Variants in DNM1 observed in about 807,000 individuals in gnomAD.
The protein encoded by DNM1 is dynamin 1.
DNM1 carries 29 observed loss-of-function variants against 104.6 expected under a neutral mutation model. The observed-to-expected ratio is 0.28, with a 90% confidence interval of 0.21 to 0.38. The LOEUF (loss-of-function observed/expected upper bound fraction) is 0.38. Among genes scored for constraint, DNM1 ranks in the 10% least tolerant of loss-of-function variants. The pLI is 1.00. For synonymous variants in DNM1, 445 were observed against 475.8 expected (o/e 0.94, Z 0.84); for missense variants, 640 against 1,189.4 (o/e 0.54, Z 6.79).
At chr9:128,213,486 T>A (rs1588334017) in intron 1 of DNM1, among the ~76,000 whole-genome samples, 2 of 94,736 alleles carry the variant, frequency 2.1e-5, no homozygotes. Flanking sequence ...CTTGGATTGA[T>A]GGAAGGGAGG....
chr9:128,222,789 A>T lies in DNM1; in HGVS notation c.1129-4A>T. The stretch of plus-strand genomic sequence containing the variant: ...ACCAGGCTTTTCTCTGCTTTTCTAC[A>T]CAGATGGAGTTTGATGAGAAGGAAC... On this transcript the variant is annotated splice_region_variant and splice_polypyrimidine_tract_variant and intron_variant, in intron 8 of 21. Coordinates refer to ENST00000372923, the MANE Select transcript of DNM1 (RefSeq NM_004408.4). This position sits in a 1 kb window ranked among gnomAD's most constrained non-coding sequence, Gnocchi z 7.8. 6.2e-7 allele frequency: 1 copy of T among 1,614,032 alleles called. No homozygotes were observed. Among genetic ancestry groups the T allele is most frequent in the Non-Finnish European group, 8.5e-7 (1 of 1,179,976 alleles).
In DNM1 at chr9:128,247,241, G is replaced by A; in HGVS notation, c.1782-134G>A. 1.8e-6 allele frequency: 1 copy of A among 560,882 alleles called. No homozygotes were observed. Among genetic ancestry groups the A allele is most frequent in the Admixed American group, 2.8e-5 (1 of 35,888 alleles). The allele number at this position is 560,882 out of a possible 1,614,324, so 34.7% of individuals were successfully genotyped here. A position where few individuals can be genotyped will look rare whatever the true frequency, so the allele number is the denominator to read the frequency against. On this transcript the variant is annotated intron_variant, in intron 16 of 21. Transcript: ENST00000372923. This position sits in a 1 kb window ranked among gnomAD's most constrained non-coding sequence, Gnocchi z 5.1. Reference sequence around the variant, plus strand: ...GAGGAAACTGAGGCTGAGAGGAAGGGACTTGCACAGGGTCACACAGCTGGG... The same window carrying A: ...GAGGAAACTGAGGCTGAGAGGAAGGAACTTGCACAGGGTCACACAGCTGGG...
In DNM1 at chr9:128,254,475, C is replaced by G. The variant is rs1829726350; in HGVS notation, c.2535-179C>G. 2.0e-6 allele frequency: 3 copies of G among 1,504,220 alleles called. No individual in the cohort carries two copies. The highest frequency in any genetic ancestry group is 2.8e-5 in the African/African-American group (2 of 70,990). 93.2% of individuals were successfully genotyped at this position (1,504,220 alleles called of 1,614,324 possible). On this transcript the variant is annotated intron_variant, in intron 21 of 21. Transcript: ENST00000372923. This position sits in a 1 kb window ranked among gnomAD's most constrained non-coding sequence, Gnocchi z 6.1. ...CGGCTCCTCCCTCCATCTTCCTCCC[C>G]TTTCCCTTCCAGCCCCTTTTCCAGG...
intron 9 of DNM1, chr9:128,223,147 C>T (rs1264483045): frequency 2.3e-6 from 1 of 439,176 alleles, no homozygotes; most frequent in African/African-American, 2.0e-5. Context: ...GGTGAGATAG[C>T]TCCCCCAGTG....
intron 21 of DNM1, chr9:128,251,208 C>G: frequency 3.1e-6 from 2 of 651,734 alleles, no homozygotes; most frequent in South Asian, 1.5e-5. Flanking sequence ...CCAGCACTTG[C>G]ATGGCGCTTC....
At position 128,222,085 on chromosome 9, in the gene DNM1, C is replaced by G. The variant is rs879179710; in HGVS notation, c.850-112C>G. 4 of 1,336,552 alleles carry G rather than the reference C, an allele frequency of 3.0e-6. No homozygotes were observed. Among genetic ancestry groups the G allele is most frequent in the Admixed American group, 2.5e-5 (1 of 39,830 alleles). 82.8% of individuals were successfully genotyped at this position (1,336,552 alleles called of 1,614,324 possible). A position where few individuals can be genotyped will look rare whatever the true frequency, so the allele number is the denominator to read the frequency against. The stretch of plus-strand genomic sequence containing the variant: ...AGTGGCCCGGGCAGCAGTGGCAGGG[C>G]TGCCCTCCATAGCTCTCCACCTCAC... On this transcript the variant is annotated intron_variant, in intron 6 of 21. Transcript: ENST00000372923. The surrounding 1 kb of genome is among the most constrained non-coding windows in gnomAD (Gnocchi z 7.8).
In DNM1 at chr9:128,224,391, TAA is replaced by T; in HGVS notation, c.1335+3_1335+4del. ...ACCGTTAGACAGTGCACCAAGAAGG[TAA>T]CCCGGAGGCCCGGGCCAGCCCCCAC... On this transcript the variant is annotated splice_donor_region_variant and intron_variant, in intron 10 of 21. Coordinates refer to ENST00000372923, the MANE Select transcript of DNM1 (RefSeq NM_004408.4). The surrounding 1 kb of genome is among the most constrained non-coding windows in gnomAD (Gnocchi z 4.3). 1 of 1,606,422 alleles carries T rather than the reference TAA, an allele frequency of 6.2e-7. No homozygotes were observed. Among genetic ancestry groups the T allele is most frequent in the South Asian group, 1.1e-5 (1 of 90,294 alleles).
rs187315526 is a variant in DNM1, at chr9:128,254,701, C to A, written c.2582C>A (p.Pro861His). 4.1e-5 allele frequency: 65 copies of A among 1,596,328 alleles called. No individual in the cohort carries two copies. The East Asian group carries it at 9.8e-4, about 24-fold the overall frequency. Residue 861 changes from proline to histidine, a missense_variant, in exon 22 of 22, where the codon CCC becomes CAC. Coordinates refer to ENST00000372923, the MANE Select transcript of DNM1 (RefSeq NM_004408.4). This position sits in a 1 kb window ranked among gnomAD's most constrained non-coding sequence, Gnocchi z 6.1. ...SPSRPESPRPPFDL is the reference protein window; with the variant it reads ...SPSRPESPRPHFDL The stretch of plus-strand genomic sequence containing the variant: ...TCCCGTCCTGAGAGCCCCAGGCCCC[C>A]CTTCGACCTCTAAACAGATCCCTCC...
At chr9:128,217,180 G>A (rs1834659768) in intron 1 of DNM1, among the ~76,000 whole-genome samples, 1 of 152,208 alleles carries the variant, frequency 6.6e-6, no homozygotes, top group South Asian at 2.1e-4. Context: ...GTCCTTCAAA[G>A]GCGGCTCGGT....
chr9:128,238,653 CTT>C (rs60034616), intron 11 of DNM1, among the ~76,000 whole-genome samples: 13 of 140,832 alleles, frequency 9.2e-5, no homozygotes, highest in Non-Finnish European at 1.1e-4. Context: ...TTGTGATTTT[CTT>C]TTTTTTTTTT....
intron 9 of DNM1, chr9:128,223,103 G>A: frequency 3.8e-6 from 2 of 525,294 alleles, no homozygotes; most frequent in Non-Finnish European, 6.8e-6. Flanking sequence ...CAGGTGGCCG[G>A]GGAAACACCC....
In DNM1 at chr9:128,232,092, C is replaced by T. The variant is rs115185829; in HGVS notation, c.1336-1929C>T. 1.2e-3 allele frequency: 543 copies of T among 454,220 alleles called. 2 individuals are homozygous for T. Among genetic ancestry groups the T allele is most frequent in the African/African-American group, 0.01 (508 of 50,084 alleles). The allele number at this position is 454,220 out of a possible 1,614,324, so 28.1% of individuals were successfully genotyped here. ...GGAGGCTGCCCTGCCATGGGTGACACGTGGAAAACTTGAGACATGTGACAT... is the reference window on the plus strand; with the variant it reads ...GGAGGCTGCCCTGCCATGGGTGACATGTGGAAAACTTGAGACATGTGACAT... On this transcript the variant is annotated intron_variant, in intron 10 of 21. Coordinates refer to ENST00000372923, the MANE Select transcript of DNM1 (RefSeq NM_004408.4).
In DNM1 at chr9:128,222,204, C is replaced by T. The variant is rs1275671340; in HGVS notation, c.857C>T (p.Thr286Met). The T allele has an allele frequency of 3.7e-6, 6 of 1,612,736 alleles. No homozygotes were observed. Among genetic ancestry groups the T allele is most frequent in the Admixed American group, 1.7e-5 (1 of 59,906 alleles). The change falls in exon 7 of 22, where the codon ACG becomes ATG. Residue 286 changes from threonine (T) to methionine (M), a missense_variant. Around this residue, in one of 7 missense-constraint regions of DNM1, gnomAD observed 81 missense variants for 99.8 expected, o/e 0.81. Coordinates refer to ENST00000372923, the MANE Select transcript of DNM1 (RefSeq NM_004408.4). The surrounding 1 kb of genome is among the most constrained non-coding windows in gnomAD (Gnocchi z 7.8). Reference protein sequence around the residue: ...YLQKVLNQQLTNHIRDTLPGL... With the variant: ...YLQKVLNQQLMNHIRDTLPGL... ...CCTCACCCTTACCCCCAGCAACTGA[C>T]GAACCACATCCGGGACACACTGCCG...
chr9:128,251,140 G>A (rs969611378), intron 21 of DNM1, 200 bp downstream of exon 21: 11 of 675,980 alleles, frequency 1.6e-5, no homozygotes, highest in Non-Finnish European at 3.0e-5. Flanking sequence ...GCTGAGTCCC[G>A]GAGGTGGTCG....
rs980315379 is a variant in DNM1 at position 128,224,165 on chromosome 9, G to A, written c.1197-86G>A. 4.2e-5 allele frequency: 63 copies of A among 1,510,950 alleles called. No homozygotes were observed. The African/African-American group carries it at 7.5e-4, about 18-fold the overall frequency. The allele number at this position is 1,510,950 out of a possible 1,614,324, so 93.6% of individuals were successfully genotyped here. Reference sequence around the variant, plus strand: ...TGGAAGGGCCCCTCAGGCAGAGTTCGTGGGCTTGGGGAGGAGCCTCGGCCT... The same window carrying A: ...TGGAAGGGCCCCTCAGGCAGAGTTCATGGGCTTGGGGAGGAGCCTCGGCCT... On this transcript the variant is annotated intron_variant, in intron 9 of 21. Coordinates refer to ENST00000372923, the MANE Select transcript of DNM1 (RefSeq NM_004408.4). The surrounding 1 kb of genome is among the most constrained non-coding windows in gnomAD (Gnocchi z 4.3).
At chr9:128,232,093 G>A (rs1371436011) in intron 10 of DNM1, 5 of 454,144 alleles carry the variant, frequency 1.1e-5, no homozygotes, top group Admixed American at 4.7e-5. Flanking sequence ...TGGGTGACAC[G>A]TGGAAAACTT....
chr9:128,254,568 G>A lies in DNM1; in HGVS notation c.2535-86G>A, dbSNP rs747491413. ...TCCCACCACTGCTGCGGCGCGGCCG[G>A]CCCCGGCCGTGTGCTGCGCTTGCCT... On this transcript the variant is annotated intron_variant, in intron 21 of 21. Coordinates refer to ENST00000372923, the MANE Select transcript of DNM1 (RefSeq NM_004408.4). This position sits in a 1 kb window ranked among gnomAD's most constrained non-coding sequence, Gnocchi z 6.1. 210 of 1,586,590 alleles carry A rather than the reference G, an allele frequency of 1.3e-4. 2 individuals carry two copies. Among genetic ancestry groups the A allele is most frequent in the South Asian group, 8.8e-4 (80 of 90,638 alleles).
Position 128,222,328 on chromosome 9 carries a change from G to A in DNM1, c.981G>A (p.Lys327=). 1 of 1,613,444 alleles carries A rather than the reference G, an allele frequency of 6.2e-7. No individual in the cohort carries two copies. Among genetic ancestry groups the A allele is most frequent in the South Asian group, 1.1e-5 (1 of 91,042 alleles). ...CTGATGACCCAGCTCGCAAGACCAA[G>A]GCCCTGCTGCAGTGAGGCTCCCCCA... is the stretch of plus-strand genomic sequence containing the variant. The part of the protein sequence containing the change: ...FRPDDPARKT[K]ALLQMVQQFA... Residue 327 remains lysine (K), a synonymous_variant, in exon 7 of 22, where the codon AAG becomes AAA. Coordinates refer to ENST00000372923, the MANE Select transcript of DNM1 (RefSeq NM_004408.4). The surrounding 1 kb of genome is among the most constrained non-coding windows in gnomAD (Gnocchi z 7.8).
In DNM1 at chr9:128,220,909, CT is replaced by C; in HGVS notation, c.849+571del. 6.8e-6 allele frequency among the ~76,000 whole-genome samples: 1 copy of C among 147,338 alleles called. No individual in the cohort carries two copies. Among genetic ancestry groups the C allele is most frequent in the Non-Finnish European group, 1.5e-5 (1 of 66,476 alleles). On this transcript the variant is annotated intron_variant, in intron 6 of 21. Transcript: ENST00000372923. The surrounding 1 kb of genome is among the most constrained non-coding windows in gnomAD (Gnocchi z 5.2). ...GTTTTCTTTCTTTCTTTCTTTCTTT[CT>C]TTCTTTCTTTCTTTCTTTCTTTCTT...
Sources: allele counts gnomAD v4.1 joint callset (sites outside exome capture counted in the v4.1 genomes callset), GRCh38; gene constraint gnomAD v4.1.1; regional missense constraint gnomAD v4.1.1; non-coding constraint Gnocchi (gnomAD v3.1); transcripts MANE v1.5; gene names NCBI Gene and HGNC (gene_info 2026-07-23, HGNC 2026-07-21).